Variants in RFT1 observed in about 807,000 individuals in gnomAD.
RFT1 encodes man(5)GlcNAc(2)-PP-dolichol translocation protein RFT1.
A neutral mutation model predicts 62.2 loss-of-function variants in RFT1; 43 were observed. The observed-to-expected ratio is 0.69, with a 90% CI of 0.54 to 0.89. The LOEUF is 0.89. RFT1 is among the 40% of genes least tolerant of loss of function. RFT1 has a pLI of 0.00. For missense variants in RFT1, 605 were observed against 649.9 expected, an observed-to-expected ratio of 0.93 and a Z score of 0.75; for synonymous variants, 262 against 264.6, an observed-to-expected ratio of 0.99 and a Z score of 0.10.
intron 6 of RFT1, among the ~76,000 whole-genome samples, chr3:53,114,573 G>A (rs58561805): frequency 0.014 from 2,063 of 152,192 alleles, 56 homozygotes; most frequent in African/African-American, 0.047. Flanking sequence ...AGCATATGGT[G>A]GACTGTTACC....
intron 11 of RFT1, 65 bp from the exon 12 acceptor site, chr3:53,092,683 C>T (rs1006500264): frequency 1.3e-6 from 2 of 1,556,956 alleles, no homozygotes; most frequent in African/African-American, 1.4e-5. Context: ...GCTCCCAAAA[C>T]AGCGGCCATG....
chr3:53,127,584 C>T (rs892942676), intron 1 of RFT1, among the ~76,000 whole-genome samples: 5 of 151,664 alleles, frequency 3.3e-5, no homozygotes, highest in African/African-American at 1.2e-4. Flanking sequence ...GCCTGTAAGT[C>T]CCAGCTACTC....
chr3:53,088,265 C>T (rs184538568), downstream of RFT1, among the ~76,000 whole-genome samples: 102 of 152,180 alleles, frequency 6.7e-4, no homozygotes, highest in Non-Finnish European at 1.3e-3. Flanking sequence ...AAGGAGACAC[C>T]ACAGGCCTTT....
the RFT1 span, among the ~76,000 whole-genome samples, chr3:53,074,473 C>T: frequency 6.6e-6 from 1 of 152,020 alleles, no homozygotes; most frequent in Non-Finnish European, 1.5e-5. Flanking sequence ...GTCCCCAGAG[C>T]ACTGGATGGT....
At chr3:53,097,635 T>C (rs1036284451) in intron 11 of RFT1, among the ~76,000 whole-genome samples, 5 of 152,238 alleles carry the variant, frequency 3.3e-5, no homozygotes, top group South Asian at 2.1e-4. Flanking sequence ...ACATCTTAAA[T>C]GGGTTTGGTT....
At chr3:53,071,161 G>A in the RFT1 span, among the ~76,000 whole-genome samples, 69 of 152,166 alleles carry the variant, frequency 4.5e-4, no homozygotes, top group African/African-American at 1.5e-3. Context: ...ATTACAGGCA[G>A]GAGACACTAC....
At chr3:53,066,990 A>G in the RFT1 span, among the ~76,000 whole-genome samples, 1 of 152,236 alleles carries the variant, frequency 6.6e-6, no homozygotes, top group South Asian at 2.1e-4. Context: ...AACGATAAAA[A>G]AGAAAGAACA....
intron 6 of RFT1, among the ~76,000 whole-genome samples, chr3:53,116,042 C>T (rs933261369): frequency 1.2e-4 from 18 of 152,122 alleles, no homozygotes; most frequent in East Asian, 3.8e-4. Context: ...TGAATATAAA[C>T]GGAAGCCATT....
At chr3:53,081,772 A>C in the RFT1 span, among the ~76,000 whole-genome samples, 3 of 152,038 alleles carry the variant, frequency 2.0e-5, no homozygotes, top group African/African-American at 4.8e-5. Flanking sequence ...GGCCAGATTT[A>C]TTTCTCCCAA....
At chr3:53,094,698 T>C (rs747996083) in intron 11 of RFT1, among the ~76,000 whole-genome samples, 1 of 152,072 alleles carries the variant, frequency 6.6e-6, no homozygotes, top group African/African-American at 2.4e-5. Flanking sequence ...GTTTAAGTCA[T>C]AGATTCACAA....
downstream of RFT1, among the ~76,000 whole-genome samples, chr3:53,087,581 A>G (rs575343512): frequency 6.6e-6 from 1 of 151,418 alleles, no homozygotes; most frequent in South Asian, 2.1e-4. Context: ...TCCAGGTTGG[A>G]GCGCGAACAT....
chr3:53,070,208 G>A, the RFT1 span, among the ~76,000 whole-genome samples: 1 of 152,046 alleles, frequency 6.6e-6, no homozygotes, highest in African/African-American at 2.4e-5. Context: ...TTGAGCCCAG[G>A]AGTTCAAGAC....
intron 7 of RFT1, among the ~76,000 whole-genome samples, chr3:53,108,939 G>A (rs1701570453): frequency 6.6e-6 from 1 of 152,074 alleles, no homozygotes. Flanking sequence ...ACAGTGCTGG[G>A]ATTACAGGCG....
At chr3:53,121,501 A>G (rs1701965631) in intron 5 of RFT1, among the ~76,000 whole-genome samples, 198 bp downstream of exon 5, 1 of 152,230 alleles carries the variant, frequency 6.6e-6, no homozygotes, top group Admixed American at 6.5e-5. Context: ...AGGTCCCTAG[A>G]AACACCTACG....
chr3:53,091,651 C>T lies in RFT1; in HGVS notation c.*252G>A, dbSNP rs2107067853. Reference sequence around the variant, plus strand: ...TTAGTAAAAGAGAAAATGCTGATTACTATAAAATGATAAAAAACTATTATT... The same window carrying T: ...TTAGTAAAAGAGAAAATGCTGATTATTATAAAATGATAAAAAACTATTATT... On this transcript the variant is annotated 3_prime_UTR_variant, in exon 13 of 13. Transcript: ENST00000296292. 1 of 519,346 alleles carries T rather than the reference C, an allele frequency of 1.9e-6. No homozygotes were observed. The highest frequency in any genetic ancestry group is 3.5e-5 in the East Asian group (1 of 28,256). The allele number at this position is 519,346 out of a possible 1,614,324, so 32.2% of individuals were successfully genotyped here.
chr3:53,073,698 G>A, the RFT1 span, among the ~76,000 whole-genome samples: 8 of 152,206 alleles, frequency 5.3e-5, no homozygotes, highest in Non-Finnish European at 1.2e-4. Flanking sequence ...GCCTTGCCCT[G>A]GGGGCAACTG....
chr3:53,103,572 A>G (rs1397058727), intron 10 of RFT1: 3 of 255,282 alleles, frequency 1.2e-5, no homozygotes, highest in African/African-American at 2.2e-5. Context: ...GGCATTTACT[A>G]TCTTCAGATG....
chr3:53,070,874 C>T, the RFT1 span, among the ~76,000 whole-genome samples: 1 of 150,922 alleles, frequency 6.6e-6, no homozygotes, highest in Non-Finnish European at 1.5e-5. Flanking sequence ...GCTGGGATTA[C>T]AGGCACATGC....
chr3:53,123,769 C>A lies in RFT1; in HGVS notation c.221G>T (p.Gly74Val). 6.2e-7 allele frequency: 1 copy of A among 1,614,154 alleles called. No individual in the cohort carries two copies. The highest frequency in any genetic ancestry group is 1.7e-5 in the Admixed American group (1 of 60,028). Residue 74 changes from glycine to valine, a missense_variant, in exon 3 of 13, where the codon GGC (glycine) becomes GTC (valine). Transcript: ENST00000296292. ...GGTCTGGCTCCAGTCTCGCTGGGTG[C>A]CCCCACTGAGACATGCTCTGCGGAA... ...EAFRRACLSG[G>V]TQRDWSQTLN...
Sources: allele counts gnomAD v4.1 joint callset (sites outside exome capture counted in the v4.1 genomes callset), GRCh38; gene constraint gnomAD v4.1.1; transcripts MANE v1.5; gene names NCBI Gene and HGNC (gene_info 2026-07-23, HGNC 2026-07-21).